The following NEDD4L variants were observed in gnomAD, a reference collection of about 807,000 sequenced individuals.
The protein encoded by NEDD4L is NEDD4 like E3 ubiquitin protein ligase.
Under a neutral mutation model 148.9 loss-of-function variants are expected in NEDD4L, and 54 were observed. That is an observed-to-expected ratio of 0.36 (90% CI 0.29 to 0.45). The LOEUF is 0.45. Among genes scored for constraint, NEDD4L ranks in the 20% least tolerant of loss-of-function variants. NEDD4L has a pLI of 1.00. For missense variants in NEDD4L, 856 were observed against 1,233.8 expected (o/e 0.69, Z 4.59); for synonymous variants, 433 against 440.7 (o/e 0.98, Z 0.22).
intron 1 of NEDD4L, among the ~76,000 whole-genome samples, chr18:58,094,867 T>A: frequency 6.7e-6 from 1 of 149,986 alleles, no homozygotes; most frequent in Non-Finnish European, 1.5e-5. Flanking sequence ...GCTGTAAGGC[T>A]TGATTGCCGT....
rs118052252 is a variant in NEDD4L at position 58,174,991 on chromosome 18, T to C, written c.122+9130T>C. On this transcript the variant is annotated intron_variant, in intron 2 of 30. Coordinates refer to ENST00000400345, the MANE Select transcript of NEDD4L (RefSeq NM_001144967.3). ...GCTTCTGAAAGAGGCTGAACATACA[T>C]TGAAGTACCTTTGCTCAGCTGTAAG... Among the ~76,000 whole-genome samples, 29 of 152,326 alleles carry C rather than the reference T, an allele frequency of 1.9e-4. No individual in the cohort carries two copies. The East Asian group carries it at 4.8e-3, about 25-fold the overall frequency.
chr18:58,283,474 G>A (rs769392262), intron 5 of NEDD4L, among the ~76,000 whole-genome samples: 4 of 152,184 alleles, frequency 2.6e-5, no homozygotes, highest in Non-Finnish European at 5.9e-5. Flanking sequence ...TGCCATTTCA[G>A]ATTGGGAAGT....
At chr18:58,099,967 T>C (rs9949342) in intron 1 of NEDD4L, among the ~76,000 whole-genome samples, 43,051 of 148,208 alleles carry the variant, frequency 0.29, 8,261 homozygotes, top group African/African-American at 0.6. Context: ...AAAGTGCAGG[T>C]CCCCCAAAAT....
intron 1 of NEDD4L, among the ~76,000 whole-genome samples, chr18:58,089,634 G>A (rs1392973755): frequency 7.0e-6 from 1 of 142,646 alleles, no homozygotes; most frequent in Non-Finnish European, 1.5e-5. Context: ...AAGGTGAATG[G>A]GAGAGCTACA....
At chr18:58,228,170 G>A (rs1393082858) in intron 2 of NEDD4L, among the ~76,000 whole-genome samples, 1 of 152,188 alleles carries the variant, frequency 6.6e-6, no homozygotes, top group African/African-American at 2.4e-5. Context: ...CTGTGTGACT[G>A]GAATGTGATG....
At chr18:58,317,227 G>A (rs2058367668) in intron 6 of NEDD4L, among the ~76,000 whole-genome samples, 1 of 152,230 alleles carries the variant, frequency 6.6e-6, no homozygotes, top group South Asian at 2.1e-4. Flanking sequence ...GGAGGGGCCT[G>A]CCCAGGGCTT....
chr18:58,252,208 A>C (rs1335608730), intron 5 of NEDD4L, among the ~76,000 whole-genome samples, 154 bp downstream of exon 5: 1 of 152,238 alleles, frequency 6.6e-6, no homozygotes, highest in African/African-American at 2.4e-5. Flanking sequence ...TTTGATGTTC[A>C]AAATCCTAAC....
intron 6 of NEDD4L, among the ~76,000 whole-genome samples, chr18:58,316,688 C>T (rs1345498940): frequency 6.6e-6 from 1 of 152,222 alleles, no homozygotes; most frequent in Non-Finnish European, 1.5e-5. Context: ...ACACCCGAAA[C>T]AGGAGGCAGG....
At chr18:58,154,503 T>C (rs1196769981) in intron 1 of NEDD4L, among the ~76,000 whole-genome samples, 1 of 152,176 alleles carries the variant, frequency 6.6e-6, no homozygotes, top group Non-Finnish European at 1.5e-5. Context: ...TCCAGTTATT[T>C]GGCTGGGTGT....
intron 26 of NEDD4L, 49 bp from the exon 27 acceptor site, chr18:58,387,390 T>G: frequency 6.7e-7 from 1 of 1,486,416 alleles, no homozygotes; most frequent in Non-Finnish European, 8.9e-7. Flanking sequence ...TGAAATTTTT[T>G]TTTTTTGAAG....
rs771972196 is a variant in NEDD4L at position 58,341,695 on chromosome 18, G to A, written c.1275G>A (p.Ala425=). ...RPIMQLAEDG[A]SGSATNSNNH... is the part of the protein sequence containing the mutation. Reference sequence around the variant, plus strand: ...CAAAATAGCTTGCAGAAGATGGTGCGTCCGGATCAGCCACAAACAGTAACA... The same window carrying A: ...CAAAATAGCTTGCAGAAGATGGTGCATCCGGATCAGCCACAAACAGTAACA... The change falls in exon 15 of 31, where the codon GCG becomes GCA. Residue 425 remains alanine, a synonymous_variant. Coordinates refer to ENST00000400345, the MANE Select transcript of NEDD4L (RefSeq NM_001144967.3). 4.0e-5 allele frequency: 64 copies of A among 1,613,278 alleles called. 1 individual carries two copies. The highest frequency in any genetic ancestry group is 1.7e-4 in the South Asian group (15 of 90,824).
intron 1 of NEDD4L, among the ~76,000 whole-genome samples, chr18:58,067,892 T>G (rs1244984276): frequency 6.6e-6 from 1 of 152,146 alleles, no homozygotes; most frequent in African/African-American, 2.4e-5. Flanking sequence ...GGTTGGGAAT[T>G]GGACTTTGAA....
At chr18:58,274,164 G>A (rs970557959) in intron 5 of NEDD4L, among the ~76,000 whole-genome samples, 3 of 152,188 alleles carry the variant, frequency 2.0e-5, no homozygotes, top group Admixed American at 1.3e-4. Flanking sequence ...AGGCAGGTGA[G>A]TGAAGCCATC....
intron 1 of NEDD4L, among the ~76,000 whole-genome samples, chr18:58,120,336 T>C (rs2145805783): frequency 6.6e-6 from 1 of 152,328 alleles, no homozygotes; most frequent in East Asian, 1.9e-4. Flanking sequence ...CTGCTATTCA[T>C]TGGCCAATTG....
intron 1 of NEDD4L, chr18:58,047,355 G>C: frequency 1.0e-6 from 1 of 985,144 alleles, no homozygotes; most frequent in Non-Finnish European, 1.2e-6. Flanking sequence ...TATGTTTGGA[G>C]TGCACTTAGT....
At chr18:58,264,799 C>T (rs897000390) in intron 5 of NEDD4L, among the ~76,000 whole-genome samples, 2 of 152,174 alleles carry the variant, frequency 1.3e-5, no homozygotes, top group East Asian at 3.9e-4. Context: ...ACCGTATTTT[C>T]GTACCCATTT....
chr18:58,392,418 C>A (rs1448678930), intron 30 of NEDD4L, among the ~76,000 whole-genome samples: 3 of 152,218 alleles, frequency 2.0e-5, no homozygotes, highest in Admixed American at 6.5e-5. Flanking sequence ...GCAGGAAACG[C>A]CCTCCCTTAC....
intron 5 of NEDD4L, among the ~76,000 whole-genome samples, chr18:58,263,963 G>A (rs2049852401): frequency 6.7e-6 from 1 of 149,802 alleles, no homozygotes. Context: ...GCATACCTCT[G>A]GGCTTCTTTT....
intron 1 of NEDD4L, among the ~76,000 whole-genome samples, chr18:58,146,480 G>C (rs938723956): frequency 1.3e-5 from 2 of 151,980 alleles, no homozygotes; most frequent in African/African-American, 4.8e-5. Context: ...GGTTACTAGG[G>C]TGTCCAGCGA....
Sources: allele counts gnomAD v4.1 joint callset (sites outside exome capture counted in the v4.1 genomes callset), GRCh38; gene constraint gnomAD v4.1.1; transcripts MANE v1.5; gene names NCBI Gene and HGNC (gene_info 2026-07-23, HGNC 2026-07-21).